Variants in CLSTN2 observed in about 807,000 individuals in gnomAD.
CLSTN2 encodes calsyntenin 2.
Under a neutral mutation model 101.2 loss-of-function variants are expected in CLSTN2, and 48 were observed. The ratio of observed to expected loss-of-function variants is 0.47; its 90% CI spans 0.38 to 0.60. CLSTN2 has a LOEUF of 0.60. Ranked by LOEUF, CLSTN2 falls within the 20% of genes least tolerant of loss-of-function variation. The pLI is 0.00. For synonymous variants in CLSTN2, 481 were observed against 463.6 expected (o/e 1.04, Z -0.48); for missense variants, 1,160 against 1,238.2 (o/e 0.94, Z 0.95).
chr3:140,191,839 T>C (rs1029886900), intron 2 of CLSTN2, among the ~76,000 whole-genome samples: 2 of 151,990 alleles, frequency 1.3e-5, no homozygotes, highest in South Asian at 4.1e-4. Flanking sequence ...CTTCTTATTT[T>C]ATTGATTTTC....
At chr3:140,505,070 A>G (rs555479801) in intron 8 of CLSTN2, among the ~76,000 whole-genome samples, 36 of 131,922 alleles carry the variant, frequency 2.7e-4, no homozygotes, top group Non-Finnish European at 5.1e-4. Flanking sequence ...CAAAGAAAGT[A>G]TCTTTTTTTT....
chr3:140,338,599 G>A (rs2087464379), intron 2 of CLSTN2, among the ~76,000 whole-genome samples: 1 of 152,170 alleles, frequency 6.6e-6, no homozygotes, highest in Non-Finnish European at 1.5e-5. Context: ...AGTGAACGGT[G>A]CACTCAGAAT....
intron 2 of CLSTN2, among the ~76,000 whole-genome samples, chr3:140,218,216 G>C (rs1031070358): frequency 6.6e-5 from 10 of 152,168 alleles, no homozygotes; most frequent in Non-Finnish European, 1.2e-4. Flanking sequence ...TTGATTCGCT[G>C]AGAGATTCTG....
intron 1 of CLSTN2, among the ~76,000 whole-genome samples, chr3:139,937,289 T>C (rs1935040074): frequency 6.6e-6 from 1 of 151,830 alleles, no homozygotes; most frequent in South Asian, 2.1e-4. Flanking sequence ...CAGGTCAGAA[T>C]GGGAAGCTTC....
chr3:140,313,158 C>A (rs1007771852), intron 2 of CLSTN2, among the ~76,000 whole-genome samples: 2 of 151,940 alleles, frequency 1.3e-5, no homozygotes, highest in South Asian at 2.1e-4. Context: ...GTAGAAAAGT[C>A]CCCCCCAAAA....
chr3:140,020,454 G>A (rs1185237351), intron 1 of CLSTN2, among the ~76,000 whole-genome samples: 5 of 152,202 alleles, frequency 3.3e-5, no homozygotes, highest in South Asian at 4.1e-4. Flanking sequence ...CATGCATCTC[G>A]TCTTAGCTTC....
intron 8 of CLSTN2, among the ~76,000 whole-genome samples, chr3:140,491,947 T>G (rs1224308341): frequency 6.6e-6 from 1 of 152,158 alleles, no homozygotes; most frequent in African/African-American, 2.4e-5. Flanking sequence ...GGCAGGCATT[T>G]CTGTGGAGCC....
intron 2 of CLSTN2, among the ~76,000 whole-genome samples, chr3:140,224,570 C>T (rs759609723): frequency 2.0e-5 from 3 of 152,160 alleles, no homozygotes; most frequent in Admixed American, 6.5e-5. Flanking sequence ...GTGTGACCCA[C>T]AGAACTTTAG....
chr3:140,418,531 TTTC>T (rs1553741861), intron 4 of CLSTN2, among the ~76,000 whole-genome samples: 1 of 144,198 alleles, frequency 6.9e-6, no homozygotes, highest in Non-Finnish European at 1.5e-5. Context: ...TTTTTTTTTT[TTTC>T]TGAGACGGAG....
intron 9 of CLSTN2, among the ~76,000 whole-genome samples, chr3:140,540,855 A>ATAGG (rs1935461062): frequency 6.6e-6 from 1 of 152,228 alleles, no homozygotes; most frequent in Non-Finnish European, 1.5e-5. Context: ...CCCACCTCTC[A>ATAGG]AATGAAAGGA....
In CLSTN2 at chr3:140,221,179, T is replaced by C. The variant is rs190492725; in HGVS notation, c.232+45106T>C. ...GACACAGCAACCCATTGCAGGGGTATCAGTGAGACAGGTCAACAATCTTTT... is the reference window on the plus strand; with the variant it reads ...GACACAGCAACCCATTGCAGGGGTACCAGTGAGACAGGTCAACAATCTTTT... On this transcript the variant is annotated intron_variant, in intron 2 of 16. Coordinates refer to ENST00000458420, the MANE Select transcript of CLSTN2 (RefSeq NM_022131.3). Among the ~76,000 whole-genome samples the C allele has an allele frequency of 4.3e-3, 662 of 152,326 alleles. 4 individuals carry two copies. The highest frequency in any genetic ancestry group is 0.015 in the African/African-American group (622 of 41,576).
At chr3:139,947,696 C>A (rs1935235222) in intron 1 of CLSTN2, among the ~76,000 whole-genome samples, 1 of 152,086 alleles carries the variant, frequency 6.6e-6, no homozygotes, top group South Asian at 2.1e-4. Flanking sequence ...AAAGGAAAAC[C>A]AATTATTTTG....
Position 140,404,692 on chromosome 3 carries a change from G to C in CLSTN2, c.563G>C (p.Cys188Ser). Residue 188 changes from cysteine (C) to serine (S), a missense_variant, in exon 4 of 17, where the codon TGC (cysteine) becomes TCC (serine). Cys to Ser is a moderately radical substitution (Grantham distance 112, BLOSUM62 -1). Transcript: ENST00000458420. ...CAGGTGGAGGCCATTGACGAGGACTGCTCCCCACAGTACAGCCAGATCTGC... is the reference window on the plus strand; with the variant it reads ...CAGGTGGAGGCCATTGACGAGGACTCCTCCCCACAGTACAGCCAGATCTGC... ...ILQVEAIDED[C>S]SPQYSQICNY... is the part of the protein sequence containing the mutation. 2 of 1,614,192 alleles carry C rather than the reference G, an allele frequency of 1.2e-6. No individual in the cohort carries two copies. Among genetic ancestry groups the C allele is most frequent in the South Asian group, 1.1e-5 (1 of 91,086 alleles).
At chr3:140,307,785 A>G (rs1559834693) in intron 2 of CLSTN2, among the ~76,000 whole-genome samples, 1 of 152,308 alleles carries the variant, frequency 6.6e-6, no homozygotes, top group Non-Finnish European at 1.5e-5. Context: ...TCCACCATTC[A>G]TGTGAGCAGA....
intron 2 of CLSTN2, among the ~76,000 whole-genome samples, chr3:140,385,599 G>C (rs942825938): frequency 3.3e-5 from 5 of 151,786 alleles, no homozygotes; most frequent in Admixed American, 6.6e-5. Context: ...GGATGGTCTT[G>C]ATCTCCTGAC....
At chr3:140,165,069 A>G (rs1447845203) in intron 1 of CLSTN2, among the ~76,000 whole-genome samples, 1 of 152,218 alleles carries the variant, frequency 6.6e-6, no homozygotes, top group Non-Finnish European at 1.5e-5. Flanking sequence ...CTGTCCTTCA[A>G]ATACTTTTTC....
At chr3:140,379,917 G>C (rs1312662443) in intron 2 of CLSTN2, among the ~76,000 whole-genome samples, 1 of 151,944 alleles carries the variant, frequency 6.6e-6, no homozygotes, top group African/African-American at 2.4e-5. Flanking sequence ...ACTACCAATT[G>C]CCTCCAAAAA....
Position 140,176,039 on chromosome 3 carries a change from A to G in CLSTN2, c.198A>G (p.Val66=). 1 of 1,613,948 alleles carries G rather than the reference A, an allele frequency of 6.2e-7. No homozygotes were observed. The highest frequency in any genetic ancestry group is 8.5e-7 in the Non-Finnish European group (1 of 1,179,858). Residue 66 remains valine, a synonymous_variant, in exon 2 of 17, where the codon GTA becomes GTG. Coordinates refer to ENST00000458420, the MANE Select transcript of CLSTN2 (RefSeq NM_022131.3). ...CAGTCATTTTGGACCCACCACTGGT[A>G]GCCCTGGATAAAGATGCACCGGTTC... is the stretch of plus-strand genomic sequence containing the variant. ...NDTVILDPPL[V]ALDKDAPVPF...
chr3:140,551,987 A>G (rs535072779), intron 10 of CLSTN2, among the ~76,000 whole-genome samples: 2 of 152,026 alleles, frequency 1.3e-5, no homozygotes, highest in Non-Finnish European at 2.9e-5. Context: ...TGAATCTGTA[A>G]GTCAGAAAAA....
Sources: allele counts gnomAD v4.1 joint callset (sites outside exome capture counted in the v4.1 genomes callset), GRCh38; gene constraint gnomAD v4.1.1; transcripts MANE v1.5; gene names NCBI Gene and HGNC (gene_info 2026-07-23, HGNC 2026-07-21).